Variants in FAM200B observed in about 807,000 individuals in gnomAD.
FAM200B encodes the protein protein FAM200B.
Under a neutral mutation model 33.1 loss-of-function variants are expected in FAM200B, and 32 were observed. The observed-to-expected ratio is 0.97, with a 90% CI of 0.73 to 1.30. The LOEUF is 1.30. Ranked by LOEUF, FAM200B falls within the 50% of genes most tolerant of loss-of-function variation. FAM200B has a pLI of 0.00. For synonymous variants in FAM200B, 240 were observed against 264.8 expected, an observed-to-expected ratio of 0.91 and a Z score of 0.91; for missense variants, 741 against 754.0, an observed-to-expected ratio of 0.98 and a Z score of 0.20.
the FAM200B span, chr4:15,656,124 G>T: frequency 1.3e-4 from 57 of 454,622 alleles, no homozygotes; most frequent in South Asian, 5.4e-4. Flanking sequence ...ACGGGCCTTG[G>T]GGGTGGGGAG....
chr4:15,638,993 C>T, the FAM200B span, among the ~76,000 whole-genome samples: 2 of 152,018 alleles, frequency 1.3e-5, no homozygotes, highest in East Asian at 1.9e-4. Flanking sequence ...AGAAAAACGC[C>T]ATCTCTACTA....
At chr4:15,653,812 C>G in the FAM200B span, among the ~76,000 whole-genome samples, 9 of 152,284 alleles carry the variant, frequency 5.9e-5, no homozygotes, top group Admixed American at 4.6e-4. Context: ...TGGTTCTCAC[C>G]CTCAGCTGCA....
chr4:15,649,931 A>G, the FAM200B span, among the ~76,000 whole-genome samples: 3 of 152,200 alleles, frequency 2.0e-5, no homozygotes, highest in Admixed American at 6.5e-5. Flanking sequence ...AAACTCTAAC[A>G]TCTATGACTT....
the FAM200B span, among the ~76,000 whole-genome samples, chr4:15,639,994 T>C: frequency 6.6e-6 from 1 of 152,200 alleles, no homozygotes; most frequent in Non-Finnish European, 1.5e-5. Flanking sequence ...TGCCCATTCA[T>C]TCAATGATAC....
At chr4:15,645,777 A>C in the FAM200B span, among the ~76,000 whole-genome samples, 1 of 152,304 alleles carries the variant, frequency 6.6e-6, no homozygotes, top group East Asian at 1.9e-4. Flanking sequence ...ATATAATAAA[A>C]CATCTGTATT....
the FAM200B span, chr4:15,655,419 G>A: frequency 1.0e-6 from 1 of 999,964 alleles, no homozygotes; most frequent in Non-Finnish European, 1.2e-6. Flanking sequence ...CGGTCGGCTT[G>A]GCCGGCGGGG....
At chr4:15,671,821 A>G in the FAM200B span, among the ~76,000 whole-genome samples, 1 of 152,132 alleles carries the variant, frequency 6.6e-6, no homozygotes, top group African/African-American at 2.4e-5. Flanking sequence ...TTCTTCCACA[A>G]TGTCCAATCT....
At chr4:15,638,543 A>T in the FAM200B span, 1 of 1,595,406 alleles carries the variant, frequency 6.3e-7, no homozygotes, top group Non-Finnish European at 8.5e-7. Context: ...ATATTTAAAA[A>T]ACTTCTGTCG....
chr4:15,654,589 G>T, the FAM200B span, among the ~76,000 whole-genome samples: 13,879 of 152,298 alleles, frequency 0.091, 778 homozygotes, highest in Non-Finnish European at 0.12. Context: ...AACGACACAT[G>T]AAGAGTGAAG....
At chr4:15,654,450 T>G in the FAM200B span, among the ~76,000 whole-genome samples, 1 of 152,180 alleles carries the variant, frequency 6.6e-6, no homozygotes, top group Non-Finnish European at 1.5e-5. Context: ...TTCTCACAGT[T>G]AAACCAACTT....
chr4:15,656,360 T>C, the FAM200B span: 6 of 448,194 alleles, frequency 1.3e-5, no homozygotes, highest in Middle Eastern at 3.4e-4. Context: ...GATAGAGAAA[T>C]AGGAGAAAAC....
At position 15,688,907 on chromosome 4, in the gene FAM200B, C is replaced by A; in HGVS notation, c.1930C>A (p.Pro644Thr). 1.3e-6 allele frequency: 2 copies of A among 1,542,490 alleles called. No homozygotes were observed. Among genetic ancestry groups the A allele is most frequent in the Non-Finnish European group, 1.8e-6 (2 of 1,141,380 alleles). Residue 644 changes from proline (P) to threonine (T), a missense_variant, in exon 2 of 2, where the codon CCA becomes ACA. Physicochemically the swap from Pro to Thr is conservative, Grantham distance 38. Coordinates refer to ENST00000422728, the MANE Select transcript of FAM200B (RefSeq NM_001145191.2). ...GCGGGTAGCATTATCTTCCTGTGTT[C>A]CAGACTGGAATGAACTTATGAACAG... The part of the protein sequence containing the change: ...VMRVALSSCV[P>T]DWNELMNRQA...
the FAM200B span, among the ~76,000 whole-genome samples, chr4:15,650,003 T>C: frequency 2.6e-5 from 4 of 152,100 alleles, no homozygotes; most frequent in African/African-American, 7.2e-5. Context: ...AGAGAGTAAA[T>C]TGTCAGAAAG....
the FAM200B span, among the ~76,000 whole-genome samples, chr4:15,637,748 G>C: frequency 6.6e-6 from 1 of 152,054 alleles, no homozygotes; most frequent in Non-Finnish European, 1.5e-5. Context: ...AATTATTTTA[G>C]TTTCAACATG....
the FAM200B span, among the ~76,000 whole-genome samples, chr4:15,637,756 A>G: frequency 6.6e-6 from 1 of 152,312 alleles, no homozygotes; most frequent in Middle Eastern, 3.4e-3. Flanking sequence ...TAGTTTCAAC[A>G]TGCATTTCAC....
At chr4:15,645,480 T>G in the FAM200B span, among the ~76,000 whole-genome samples, 5 of 152,048 alleles carry the variant, frequency 3.3e-5, no homozygotes, top group Admixed American at 6.6e-5. Flanking sequence ...CAGGCTAGAG[T>G]GCAGGGGCAT....
the FAM200B span, among the ~76,000 whole-genome samples, chr4:15,669,547 T>G: frequency 6.6e-6 from 1 of 152,160 alleles, no homozygotes; most frequent in Non-Finnish European, 1.5e-5. Context: ...AAAAATGCTT[T>G]ATGATAAAAA....
At chr4:15,668,274 A>G in the FAM200B span, among the ~76,000 whole-genome samples, 1 of 151,244 alleles carries the variant, frequency 6.6e-6, no homozygotes, top group South Asian at 2.1e-4. Context: ...TATAACTTGT[A>G]ACATTTTAAT....
At chr4:15,649,652 T>C in the FAM200B span, among the ~76,000 whole-genome samples, 1 of 151,700 alleles carries the variant, frequency 6.6e-6, no homozygotes, top group African/African-American at 2.4e-5. Flanking sequence ...TTGAAATCTG[T>C]TTATATAAAT....
Sources: allele counts gnomAD v4.1 joint callset (sites outside exome capture counted in the v4.1 genomes callset), GRCh38; gene constraint gnomAD v4.1.1; transcripts MANE v1.5; gene names NCBI Gene and HGNC (gene_info 2026-07-23, HGNC 2026-07-21).